The following DIP2A variants were observed in gnomAD, a reference collection of about 807,000 sequenced individuals.
DIP2A encodes disco-interacting protein 2 homolog A.
A neutral mutation model predicts 177.4 loss-of-function variants in DIP2A; 85 were observed. That is an observed-to-expected ratio of 0.48 (90% CI 0.40 to 0.57). The LOEUF (loss-of-function observed/expected upper bound fraction) is 0.57. Ranked by LOEUF, DIP2A falls within the 20% of genes least tolerant of loss-of-function variation. DIP2A has a pLI of 0.00. For synonymous variants in DIP2A, 886 were observed against 881.8 expected, an observed-to-expected ratio of 1.00 and a Z score of -0.08; for missense variants, 1,791 against 2,100.2, an observed-to-expected ratio of 0.85 and a Z score of 2.88.
intron 36 of DIP2A, among the ~76,000 whole-genome samples, chr21:46,566,171 C>T (rs1474915609): frequency 6.6e-6 from 1 of 152,196 alleles, no homozygotes; most frequent in Non-Finnish European, 1.5e-5. Context: ...CTCTCTGCCG[C>T]TGTGTCTTTA....
intron 1 of DIP2A, among the ~76,000 whole-genome samples, chr21:46,461,512 A>T (rs889155581): frequency 3.3e-5 from 5 of 152,016 alleles, no homozygotes; most frequent in South Asian, 2.1e-4. Context: ...TATTCCCTCA[A>T]TTTTTTGTGT....
At chr21:46,574,286 C>T (rs190703433), downstream of DIP2A, among the ~76,000 whole-genome samples, 1 of 152,128 alleles carries the variant, frequency 6.6e-6, no homozygotes, top group Admixed American at 6.5e-5. Flanking sequence ...TTAGAAAATA[C>T]TTGGAAATAA....
At chr21:46,459,886 G>T (rs144665115) in intron 1 of DIP2A, among the ~76,000 whole-genome samples, 13 of 152,128 alleles carry the variant, frequency 8.5e-5, no homozygotes, top group African/African-American at 3.1e-4. Flanking sequence ...TGAGAATCTT[G>T]AGAGGAATGA....
chr21:46,535,284 G>A (rs2059518772), intron 13 of DIP2A, among the ~76,000 whole-genome samples: 1 of 151,412 alleles, frequency 6.6e-6, no homozygotes, highest in Non-Finnish European at 1.5e-5. Flanking sequence ...TAATTGATAA[G>A]TACTAATTGT....
the DIP2A span, among the ~76,000 whole-genome samples, chr21:46,579,732 G>C: frequency 6.6e-6 from 1 of 152,190 alleles, no homozygotes; most frequent in Non-Finnish European, 1.5e-5. Flanking sequence ...TTCAGGAGGA[G>C]GTTGTTCAGT....
At chr21:46,462,764 GT>G (rs1244577745) in intron 1 of DIP2A, 1 of 152,152 alleles carries the variant, frequency 6.6e-6, no homozygotes, top group East Asian at 1.9e-4. Flanking sequence ...ACAGAAACTG[GT>G]AATGAGTGAT....
intron 16 of DIP2A, 193 bp downstream of exon 16, chr21:46,538,795 C>T (rs748170000): frequency 1.6e-5 from 13 of 812,968 alleles, no homozygotes; most frequent in Non-Finnish European, 2.2e-5. Flanking sequence ...TATTAGGCCA[C>T]TAAATTTAAA....
chr21:46,520,378 A>G (rs1206520761), intron 8 of DIP2A, among the ~76,000 whole-genome samples: 1 of 152,206 alleles, frequency 6.6e-6, no homozygotes, highest in Non-Finnish European at 1.5e-5. Context: ...TCATGTCAAA[A>G]CAAGTTACTT....
chr21:46,522,696 A>T (rs2058876718), intron 8 of DIP2A, among the ~76,000 whole-genome samples: 1 of 152,170 alleles, frequency 6.6e-6, no homozygotes, highest in Non-Finnish European at 1.5e-5. Flanking sequence ...CGTCATGTGA[A>T]ATCAAAACCG....
At chr21:46,483,586 G>A (rs2056494459) in intron 1 of DIP2A, among the ~76,000 whole-genome samples, 1 of 152,228 alleles carries the variant, frequency 6.6e-6, no homozygotes, top group Non-Finnish European at 1.5e-5. Flanking sequence ...TCTTCTGTAG[G>A]ATGGCATATT....
rs368841415 is a variant in DIP2A at position 46,549,845 on chromosome 21, C to G, written c.2597C>G (p.Ser866Trp). The change falls in exon 22 of 38, where the codon TCG (serine) becomes TGG (tryptophan). Residue 866 changes from serine (S) to tryptophan (W), a missense_variant. Ser to Trp is a radical substitution (Grantham distance 177, BLOSUM62 -3). Coordinates refer to ENST00000417564, the MANE Select transcript of DIP2A (RefSeq NM_015151.4). ...VLVAEQRPDASEEDSFQWMSR... is the reference protein window; with the variant it reads ...VLVAEQRPDAWEEDSFQWMSR... ...GTGGCTGAGCAGCGGCCGGATGCCT[C>G]GGAGGAGGACAGCTTCCAGTGGATG... The G allele has an allele frequency of 3.7e-6, 6 of 1,612,944 alleles. No individual in the cohort carries two copies. The South Asian group carries it at 6.6e-5, about 18-fold the overall frequency.
chr21:46,566,006 T>TGGG (rs10641570), intron 36 of DIP2A, 119 bp downstream of exon 36: 3 of 1,199,688 alleles, frequency 2.5e-6, no homozygotes, highest in South Asian at 2.9e-5. Flanking sequence ...TTGCTCCTTG[T>TGGG]GGGGGGAAGA....
Position 46,534,604 on chromosome 21 carries a change from G to A in DIP2A, c.1559G>A (p.Gly520Asp), listed in dbSNP as rs1263083579. ...TTTCAGTATAAAACCAGCAAAGAAG[G>A]CAGTACGGTGGGGGTCACAGTGTCC... is the stretch of plus-strand genomic sequence containing the variant. ...AYIEYKTSKE[G>D]STVGVTVSHA... The change falls in exon 13 of 38, where the codon GGC becomes GAC. Residue 520 changes from glycine to aspartate, a missense_variant. Transcript: ENST00000417564. The A allele has an allele frequency of 6.2e-7, 1 of 1,613,454 alleles. No individual in the cohort carries two copies. Among genetic ancestry groups the A allele is most frequent in the Non-Finnish European group, 8.5e-7 (1 of 1,179,872 alleles).
intron 21 of DIP2A, among the ~76,000 whole-genome samples, chr21:46,548,174 A>ATGTG (rs1360982466): frequency 1.1e-3 from 165 of 144,594 alleles, no homozygotes; most frequent in African/African-American, 4.1e-3. Context: ...GTGCTCATGC[A>ATGTG]TGTGTGCGTG....
At chr21:46,507,207 G>A (rs2058057719) in intron 6 of DIP2A, among the ~76,000 whole-genome samples, 1 of 152,034 alleles carries the variant, frequency 6.6e-6, no homozygotes, top group Non-Finnish European at 1.5e-5. Flanking sequence ...AAGAGCAGAT[G>A]GTTTACATTT....
At chr21:46,525,544 CAT>C (rs2059038371) in intron 8 of DIP2A, 1 of 152,120 alleles carries the variant, frequency 6.6e-6, no homozygotes, top group African/African-American at 2.4e-5. Flanking sequence ...TCTTAATTGC[CAT>C]AGTTTTATAA....
Position 46,560,952 on chromosome 21 carries a change from T to A in DIP2A, c.4031+169T>A, listed in dbSNP as rs116695953. 1.7e-3 allele frequency: 1,633 copies of A among 985,284 alleles called. 25 individuals are homozygous for A. In the African/African-American group the frequency reaches 0.027, roughly 16 times the overall value. The allele number at this position is 985,284 out of a possible 1,614,324, so 61.0% of individuals were successfully genotyped here. On this transcript the variant is annotated intron_variant, in intron 33 of 37. Coordinates refer to ENST00000417564, the MANE Select transcript of DIP2A (RefSeq NM_015151.4). ...CACATGAGAGGACAGCTGGCTACAT[T>A]GGGCCATCTGCACCAAGAGGAAGAG...
intron 6 of DIP2A, among the ~76,000 whole-genome samples, chr21:46,506,308 G>A (rs1349669682): frequency 2.0e-5 from 3 of 152,062 alleles, no homozygotes; most frequent in Admixed American, 6.6e-5. Flanking sequence ...AGTAGAGATG[G>A]GATTTCACCA....
intron 2 of DIP2A, 43 bp downstream of exon 2, chr21:46,484,871 T>C (rs1468030306): frequency 6.1e-6 from 9 of 1,481,478 alleles, no homozygotes; most frequent in Non-Finnish European, 8.1e-6. Context: ...ATTATATTGT[T>C]TCATAACATG....
Sources: gnomAD v4.1 joint callset for allele counts (sites outside exome capture counted in the v4.1 genomes callset) on GRCh38, gnomAD v4.1.1 for gene constraint, MANE v1.5 for transcripts, NCBI Gene and HGNC (gene_info 2026-07-23, HGNC 2026-07-21) for gene names.